The following NT5DC3 variants were observed in gnomAD, a reference collection of about 807,000 sequenced individuals.
The protein encoded by NT5DC3 is 5'-nucleotidase domain containing 3.
A neutral mutation model predicts 67.8 loss-of-function variants in NT5DC3; 42 were observed. The observed-to-expected ratio is 0.62, with a 90% CI of 0.48 to 0.80. The LOEUF is 0.80. Among genes scored for constraint, NT5DC3 ranks in the 30% least tolerant of loss-of-function variants. NT5DC3 has a pLI of 0.00. For missense variants in NT5DC3, 570 were observed against 696.4 expected (o/e 0.82, Z 2.04); for synonymous variants, 237 against 255.6 (o/e 0.93, Z 0.69).
At chr12:103,806,771 C>A in intron 3 of NT5DC3, 84 bp downstream of exon 3, 2 of 851,620 alleles carry the variant, frequency 2.3e-6, no homozygotes, top group South Asian at 1.5e-5. Context: ...AACTAATTTG[C>A]CCGTTCAGTA....
chr12:103,761,372 G>A, the NT5DC3 span: 2 of 1,614,074 alleles, frequency 1.2e-6, no homozygotes, highest in Admixed American at 3.3e-5. Context: ...GATCATTCAT[G>A]TCATTTCCAG....
At chr12:103,761,374 C>T in the NT5DC3 span, 179 of 1,614,002 alleles carry the variant, frequency 1.1e-4, 1 homozygote, top group South Asian at 1.9e-3. Context: ...TCATTCATGT[C>T]ATTTCCAGGC....
At chr12:103,833,342 G>A (rs1888010580) in intron 1 of NT5DC3, among the ~76,000 whole-genome samples, 1 of 152,188 alleles carries the variant, frequency 6.6e-6, no homozygotes, top group Non-Finnish European at 1.5e-5. Context: ...GAAACAGTCT[G>A]AGAAATATTG....
At position 103,798,007 on chromosome 12, in the gene NT5DC3, T is replaced by C. The variant is rs547589010; in HGVS notation, c.615+580A>G. Among the ~76,000 whole-genome samples, 6 of 152,350 alleles carry C rather than the reference T, an allele frequency of 3.9e-5. No homozygotes were observed. In the South Asian group the frequency reaches 1.0e-3, roughly 26 times the overall value. On this transcript the variant is annotated intron_variant, in intron 5 of 13. Coordinates refer to ENST00000392876, the MANE Select transcript of NT5DC3 (RefSeq NM_001031701.3). ...ACTGTAATTTATGTTGAAATTGCGA[T>C]GGTTTTACACCATTGTAAAGTCAAA...
intron 4 of NT5DC3, among the ~76,000 whole-genome samples, chr12:103,804,519 C>T (rs756068597): frequency 4.6e-5 from 7 of 151,986 alleles, no homozygotes; most frequent in Non-Finnish European, 8.8e-5. Context: ...GACAAGCAAC[C>T]AAACCAGATC....
chr12:103,752,939 G>T, the NT5DC3 span, among the ~76,000 whole-genome samples: 2 of 152,160 alleles, frequency 1.3e-5, no homozygotes, highest in African/African-American at 4.8e-5. Context: ...GTTAGCCATG[G>T]AGTAATGATT....
At position 103,777,245 on chromosome 12, in the gene NT5DC3, TC is replaced by T. The variant is rs1213807622; in HGVS notation, c.*583del. 2 of 153,302 alleles carry T rather than the reference TC, an allele frequency of 1.3e-5. No homozygotes were observed. Among genetic ancestry groups the T allele is most frequent in the African/African-American group, 4.8e-5 (2 of 41,564 alleles). The allele number at this position is 153,302 out of a possible 1,614,324, so 9.5% of individuals were successfully genotyped here. A position where few individuals can be genotyped will look rare whatever the true frequency, so the allele number is the denominator to read the frequency against. ...CTTCTCTTGTTCTTTCTCACTTAAGTCCTTCCAGGGAGGCTGTGTTCTATTT... is the reference window on the plus strand; with the variant it reads ...CTTCTCTTGTTCTTTCTCACTTAAGTCTTCCAGGGAGGCTGTGTTCTATTT... On this transcript the variant is annotated 3_prime_UTR_variant, in exon 14 of 14. Transcript: ENST00000392876.
chr12:103,816,967 CTTTTTTT>C (rs376622215), intron 1 of NT5DC3, among the ~76,000 whole-genome samples: 1,487 of 118,968 alleles, frequency 0.012, 23 homozygotes, highest in African/African-American at 0.043. Context: ...TTTCTTTTTT[CTTTTTTT>C]TTTTTTTGCT....
downstream of NT5DC3, among the ~76,000 whole-genome samples, chr12:103,769,562 G>A (rs1407038974): frequency 2.6e-5 from 4 of 152,202 alleles, no homozygotes; most frequent in Non-Finnish European, 4.4e-5. Context: ...GGAGTGCCGG[G>A]TCAGTGGGAC....
At chr12:103,837,947 T>C (rs566393444) in intron 1 of NT5DC3, among the ~76,000 whole-genome samples, 18 of 152,244 alleles carry the variant, frequency 1.2e-4, no homozygotes, top group Middle Eastern at 3.4e-3. Flanking sequence ...ACTGTATCAG[T>C]CCATTTTCAT....
intron 10 of NT5DC3, 36 bp from the exon 11 acceptor site, chr12:103,787,563 A>C: frequency 1.6e-6 from 2 of 1,255,384 alleles, no homozygotes; most frequent in Non-Finnish European, 2.3e-6. Flanking sequence ...TTATTATTAC[A>C]GATAGAGATC....
At position 103,837,472 on chromosome 12, in the gene NT5DC3, T is replaced by C. The variant is rs1593448217; in HGVS notation, c.208+3477A>G. On this transcript the variant is annotated intron_variant, in intron 1 of 13. Transcript: ENST00000392876. The stretch of plus-strand genomic sequence containing the variant: ...TTTCTTTTCTACTGCATCGTCAGCC[T>C]GCAAATTTTCGGAGCTTTTATGCTC... Among the ~76,000 whole-genome samples the C allele has an allele frequency of 2.6e-5, 4 of 152,366 alleles. No homozygotes were observed. The South Asian group carries it at 8.3e-4, about 32-fold the overall frequency.
chr12:103,802,284 G>C (rs1668282854), intron 4 of NT5DC3: 1 of 152,180 alleles, frequency 6.6e-6, no homozygotes, highest in South Asian at 2.1e-4. Flanking sequence ...GGTGAGCAGA[G>C]GACTCACCAC....
At chr12:103,771,566 CA>C (rs539728831), downstream of NT5DC3, among the ~76,000 whole-genome samples, 141 of 152,298 alleles carry the variant, frequency 9.3e-4, no homozygotes, top group Admixed American at 2.7e-3. Context: ...CCCATCACTG[CA>C]AAACCCAAGC....
the NT5DC3 span, chr12:103,762,227 G>T: frequency 6.2e-7 from 1 of 1,604,964 alleles, no homozygotes; most frequent in South Asian, 1.1e-5. Context: ...CCCTTTTGGG[G>T]AGTCAGAAGT....
chr12:103,780,734 AC>A (rs1396756454), intron 12 of NT5DC3, among the ~76,000 whole-genome samples: 2 of 152,250 alleles, frequency 1.3e-5, no homozygotes, highest in Admixed American at 1.3e-4. Context: ...TATATTATAT[AC>A]ATGTGTACAA....
chr12:103,821,290 C>T (rs913033044), intron 1 of NT5DC3, among the ~76,000 whole-genome samples: 4 of 152,204 alleles, frequency 2.6e-5, no homozygotes, highest in Non-Finnish European at 2.9e-5. Flanking sequence ...TGCAGCATAA[C>T]CTAGCCTAAC....
Position 103,788,826 on chromosome 12 carries a change from G to C in NT5DC3, c.1101+12C>G. On this transcript the variant is annotated intron_variant, in intron 10 of 13. Coordinates refer to ENST00000392876, the MANE Select transcript of NT5DC3 (RefSeq NM_001031701.3). ...GCAAAGCAACAAAAAGGATCAGCTG[G>C]TCATGAGATACCTGCTTGTATATCT... 6.4e-7 allele frequency: 1 copy of C among 1,572,424 alleles called. No individual in the cohort carries two copies. The highest frequency in any genetic ancestry group is 1.3e-5 in the African/African-American group (1 of 74,208).
At chr12:103,806,112 C>T (rs938522015) in intron 4 of NT5DC3, among the ~76,000 whole-genome samples, 1 of 152,182 alleles carries the variant, frequency 6.6e-6, no homozygotes, top group Non-Finnish European at 1.5e-5. Context: ...TTCCCACCCA[C>T]ACTCTGAGCT....
Sources: allele counts gnomAD v4.1 joint callset (sites outside exome capture counted in the v4.1 genomes callset), GRCh38; gene constraint gnomAD v4.1.1; transcripts MANE v1.5; gene names NCBI Gene and HGNC (gene_info 2026-07-23, HGNC 2026-07-21).